The following CYP11A1 variants were observed in gnomAD, a reference collection of about 807,000 sequenced individuals.
CYP11A1 encodes cholesterol side-chain cleavage enzyme, mitochondrial.
A neutral mutation model predicts 51.9 loss-of-function variants in CYP11A1; 25 were observed. That is an observed-to-expected ratio of 0.48 (90% confidence interval 0.35 to 0.67). The LOEUF is 0.67. CYP11A1 is among the 30% of genes least tolerant of loss of function. CYP11A1 has a pLI of 0.00. For synonymous variants in CYP11A1, 245 were observed against 262.1 expected, an observed-to-expected ratio of 0.93 and a Z score of 0.63; for missense variants, 578 against 680.9, an observed-to-expected ratio of 0.85 and a Z score of 1.68.
intron 1 of CYP11A1, among the ~76,000 whole-genome samples, chr15:74,365,078 C>T (rs1354060115): frequency 1.3e-5 from 2 of 152,100 alleles, no homozygotes; most frequent in Non-Finnish European, 2.9e-5. Context: ...CTCTTCGTGA[C>T]TGACCCATTG....
At chr15:74,366,460 T>TTTTTTTTATTTA (rs1555426893) in intron 1 of CYP11A1, among the ~76,000 whole-genome samples, 4 of 137,738 alleles carry the variant, frequency 2.9e-5, no homozygotes, top group South Asian at 2.4e-4. Flanking sequence ...ATTTTTTTTA[T>TTTTTTTTATTTA]TTTATTTATT....
intron 1 of CYP11A1, among the ~76,000 whole-genome samples, chr15:74,352,563 G>A (rs921575451): frequency 6.6e-6 from 1 of 152,130 alleles, no homozygotes; most frequent in Non-Finnish European, 1.5e-5. Context: ...GCCACCACTA[G>A]ATATTCTTAA....
At chr15:74,344,081 C>T in intron 3 of CYP11A1, 89 bp from the exon 4 acceptor site, 4 of 1,074,110 alleles carry the variant, frequency 3.7e-6, no homozygotes, top group South Asian at 1.3e-5. Context: ...CCTCACCTCC[C>T]TCAGCACAAA....
chr15:74,345,133 A>T lies in CYP11A1; in HGVS notation c.536T>A (p.Val179Asp). 1 of 1,614,074 alleles carries T rather than the reference A, an allele frequency of 6.2e-7. No homozygotes were observed. Among genetic ancestry groups the T allele is most frequent in the Non-Finnish European group, 8.5e-7 (1 of 1,180,000 alleles). Residue 179 changes from valine to aspartate, a missense_variant, in exon 3 of 9, where the codon GTC (valine) becomes GAC (aspartate). Val to Asp is a radical substitution (Grantham distance 152). Coordinates refer to ENST00000268053, the MANE Select transcript of CYP11A1 (RefSeq NM_000781.3). This position sits in a 1 kb window ranked among gnomAD's most constrained non-coding sequence, Gnocchi z 4.3. Reference sequence around the variant, plus strand: ...CTTGATGCGCCTGTGCAGGACACTGACGAAGTCCCGAGACACTGCATCCAA... The same window carrying T: ...CTTGATGCGCCTGTGCAGGACACTGTCGAAGTCCCGAGACACTGCATCCAA... ...PLLDAVSRDF[V>D]SVLHRRIKKA...
Position 74,337,897 on chromosome 15 carries a change from G to T in CYP11A1, c.*75C>A, listed in dbSNP as rs898580861. The T allele has an allele frequency of 6.3e-6, 10 of 1,595,492 alleles. No homozygotes were observed. The Admixed American group carries it at 1.5e-4, about 24-fold the overall frequency. On this transcript the variant is annotated 3_prime_UTR_variant, in exon 9 of 9. Coordinates refer to ENST00000268053, the MANE Select transcript of CYP11A1 (RefSeq NM_000781.3). ...GAAAGGAGCAGGACTTGGGACAGAC[G>T]ACTGAAGATGCAGAGACCCCATGGG...
intron 1 of CYP11A1, among the ~76,000 whole-genome samples, chr15:74,356,829 G>A (rs927375395): frequency 6.6e-6 from 1 of 151,980 alleles, no homozygotes; most frequent in Non-Finnish European, 1.5e-5. Context: ...ACACATATGG[G>A]ACATGTCTAC....
Position 74,345,391 on chromosome 15 carries a change from A to G in CYP11A1, c.426-148T>C, listed in dbSNP as rs1242409222. The G allele has an allele frequency of 2.1e-5, 16 of 778,852 alleles. No homozygotes were observed. In the East Asian group the frequency reaches 4.3e-4, roughly 21 times the overall value. The allele number at this position is 778,852 out of a possible 1,614,324, so 48.2% of individuals were successfully genotyped here. A position where few individuals can be genotyped will look rare whatever the true frequency, so the allele number is the denominator to read the frequency against. ...CAGGGCCTCTGCCCTCACCTCTCCG[A>G]GCACCCTCTGCCTCTCACCTCCTCC... is the stretch of plus-strand genomic sequence containing the variant. On this transcript the variant is annotated intron_variant, in intron 2 of 8. Transcript: ENST00000268053. The surrounding 1 kb of genome is among the most constrained non-coding windows in gnomAD (Gnocchi z 4.3).
At chr15:74,346,440 A>C (rs928139162) in intron 2 of CYP11A1, among the ~76,000 whole-genome samples, 5 of 151,868 alleles carry the variant, frequency 3.3e-5, no homozygotes, top group African/African-American at 1.2e-4. Context: ...GCACCGTTCC[A>C]AGTATCATCT....
intron 5 of CYP11A1, among the ~76,000 whole-genome samples, chr15:74,340,005 G>C (rs965456023): frequency 2.0e-5 from 3 of 152,224 alleles, no homozygotes; most frequent in African/African-American, 7.2e-5. Context: ...CGTCCCTCAT[G>C]TCACCAAAAA....
intron 5 of CYP11A1, among the ~76,000 whole-genome samples, chr15:74,342,483 G>A (rs942264811): frequency 6.6e-6 from 1 of 152,180 alleles, no homozygotes; most frequent in Non-Finnish European, 1.5e-5. Flanking sequence ...GGCACCGTAG[G>A]GTACTGAGGT....
chr15:74,367,442 G>C lies in CYP11A1; in HGVS notation c.144C>G (p.Phe48Leu). ...TGTCACCAGGAGAGGGGATCTCATT[G>C]AAGGGGCGAGGACTGCGGGTGGAGA... ...AGISTRSPRPFNEIPSPGDNG... is the reference protein window; with the variant it reads ...AGISTRSPRPLNEIPSPGDNG... The change falls in exon 1 of 9, where the codon TTC (phenylalanine) becomes TTG (leucine). Residue 48 changes from phenylalanine to leucine, a missense_variant. Phe to Leu is a conservative substitution (Grantham distance 22). Transcript: ENST00000268053. The C allele has an allele frequency of 6.2e-7, 1 of 1,614,230 alleles. No individual in the cohort carries two copies. The highest frequency in any genetic ancestry group is 8.5e-7 in the Non-Finnish European group (1 of 1,180,038).
Position 74,338,583 on chromosome 15 carries a change from G to A in CYP11A1, c.1422C>T (p.Ile474=), listed in dbSNP as rs752413112. 6.2e-7 allele frequency: 1 copy of A among 1,614,162 alleles called. No homozygotes were observed. Among genetic ancestry groups the A allele is most frequent in the South Asian group, 1.1e-5 (1 of 91,090 alleles). ...GRRIAELEMT[I]FLINMLENFR... ...CAGCTTGACTCACATTGATGAGGAA[G>A]ATGGTCATCTCTAGCTCAGCGATCC... Residue 474 remains isoleucine (I), a synonymous_variant, in exon 8 of 9, where the codon ATC becomes ATT. Coordinates refer to ENST00000268053, the MANE Select transcript of CYP11A1 (RefSeq NM_000781.3).
At position 74,345,047 on chromosome 15, in the gene CYP11A1, C is replaced by G; in HGVS notation, c.622G>C (p.Glu208Gln). ...AGCCAGGTGCAAGCCCCCTTACACTCAAAGGCAAAGCGGAACAGGTCATCA... is the reference window on the plus strand; with the variant it reads ...AGCCAGGTGCAAGCCCCCTTACACTGAAAGGCAAAGCGGAACAGGTCATCA... ...ISDDLFRFAF[E>Q]SITNVIFGER... Residue 208 changes from glutamate to glutamine, a missense_variant, in exon 3 of 9, where the codon GAG becomes CAG. By Grantham distance (29) the Glu-to-Gln change is conservative. Coordinates refer to ENST00000268053, the MANE Select transcript of CYP11A1 (RefSeq NM_000781.3). This position sits in a 1 kb window ranked among gnomAD's most constrained non-coding sequence, Gnocchi z 4.3. 6.2e-7 allele frequency: 1 copy of G among 1,614,126 alleles called. No homozygotes were observed. The highest frequency in any genetic ancestry group is 8.5e-7 in the Non-Finnish European group (1 of 1,179,996).
chr15:74,361,033 T>G (rs60904560), intron 1 of CYP11A1, among the ~76,000 whole-genome samples: 1 of 152,210 alleles, frequency 6.6e-6, no homozygotes, highest in Non-Finnish European at 1.5e-5. Flanking sequence ...AAAAGGTTTT[T>G]GCTTCTTTAA....
intron 1 of CYP11A1, among the ~76,000 whole-genome samples, chr15:74,351,442 T>C (rs1004941133): frequency 8.5e-5 from 13 of 152,220 alleles, no homozygotes; most frequent in Non-Finnish European, 8.8e-5. Context: ...TCCCTTATAG[T>C]GCTCAACTAG....
chr15:74,365,951 G>A, intron 1 of CYP11A1: 2 of 971,024 alleles, frequency 2.1e-6, no homozygotes, highest in Non-Finnish European at 2.4e-6. Context: ...GGGGAACTTG[G>A]CGGCAGAGTG....
chr15:74,367,178 CA>C lies in CYP11A1; in HGVS notation c.269+138del, dbSNP rs11350546. 254,817 of 666,616 alleles carry C rather than the reference CA, an allele frequency of 0.38. 16,038 individuals are homozygous for C. Among genetic ancestry groups the C allele is most frequent in the Admixed American group, 0.43 (14,187 of 32,702 alleles). The allele number at this position is 666,616 out of a possible 1,614,324, so 41.3% of individuals were successfully genotyped here. Reference sequence around the variant, plus strand: ...CTGATATATTTCTGTATTGTATTACCAAAAAAAAAAAAAAAAAAGAAGTTAG... The same window carrying C: ...CTGATATATTTCTGTATTGTATTACCAAAAAAAAAAAAAAAAAGAAGTTAG... On this transcript the variant is annotated intron_variant, in intron 1 of 8. Transcript: ENST00000268053.
At position 74,339,620 on chromosome 15, in the gene CYP11A1, G is replaced by A. The variant is rs559297406; in HGVS notation, c.1124C>T (p.Pro375Leu). Residue 375 changes from proline to leucine, a missense_variant, in exon 6 of 9, where the codon CCC (proline) becomes CTC (leucine). Physicochemically the swap from Pro to Leu is moderately conservative, Grantham distance 98. Transcript: ENST00000268053. ...CTCCTTGATGCTGGCTTTGAGGAGG[G>A]GGACCAGCTGTAGCATCGTGGCCAT... The part of the protein sequence containing the change: ...GDMATMLQLV[P>L]LLKASIKETL... 4 of 1,614,172 alleles carry A rather than the reference G, an allele frequency of 2.5e-6. No homozygotes were observed. Among genetic ancestry groups the A allele is most frequent in the African/African-American group, 1.3e-5 (1 of 75,042 alleles).
intron 1 of CYP11A1, among the ~76,000 whole-genome samples, chr15:74,359,970 A>C (rs2060699728): frequency 3.3e-5 from 5 of 152,248 alleles, no homozygotes; most frequent in Admixed American, 2.6e-4. Flanking sequence ...ATTTTGTCAG[A>C]AAAGTAGAAA....
Sources: allele counts gnomAD v4.1 joint callset (sites outside exome capture counted in the v4.1 genomes callset), GRCh38; gene constraint gnomAD v4.1.1; non-coding constraint Gnocchi (gnomAD v3.1); transcripts MANE v1.5; gene names NCBI Gene and HGNC (gene_info 2026-07-23, HGNC 2026-07-21).